NELL1: variants seen among roughly 807,000 people sequenced by gnomAD.
The protein encoded by NELL1 is neural EGFL like 1.
NELL1 carries 76 observed loss-of-function variants against 107.4 expected under a neutral mutation model. The observed-to-expected ratio is 0.71, with a 90% confidence interval of 0.59 to 0.86. The LOEUF (loss-of-function observed/expected upper bound fraction) is 0.86. Ranked by LOEUF, NELL1 falls within the 40% of genes least tolerant of loss-of-function variation. NELL1 has a pLI of 0.00. For synonymous variants in NELL1, 353 were observed against 341.2 expected (o/e 1.03, Z -0.38); for missense variants, 1,024 against 1,005.5 (o/e 1.02, Z -0.25).
At chr11:20,847,465 G>A in intron 3 of NELL1, 118 bp from the exon 4 acceptor site, 1 of 1,050,000 alleles carries the variant, frequency 9.5e-7, no homozygotes, top group Non-Finnish European at 1.4e-6. Context: ...TTGGCTCTTT[G>A]TGCCATGTTT....
chr11:21,288,735 A>C (rs962246401), intron 14 of NELL1, among the ~76,000 whole-genome samples: 10 of 152,186 alleles, frequency 6.6e-5, no homozygotes, highest in African/African-American at 2.4e-4. Context: ...AGTTCGAATG[A>C]CCAGCAATTA....
At chr11:21,291,135 G>C (rs889647053) in intron 14 of NELL1, among the ~76,000 whole-genome samples, 28 of 152,304 alleles carry the variant, frequency 1.8e-4, no homozygotes, top group African/African-American at 6.7e-4. Flanking sequence ...AACCAGTTCA[G>C]AGAAGAACAT....
At chr11:21,497,260 A>G (rs1161066751) in intron 15 of NELL1, among the ~76,000 whole-genome samples, 1 of 152,114 alleles carries the variant, frequency 6.6e-6, no homozygotes, top group African/African-American at 2.4e-5. Context: ...TACATATGTA[A>G]CAAACCTGCA....
chr11:21,103,556 C>T (rs971932180), intron 12 of NELL1, among the ~76,000 whole-genome samples: 2 of 152,124 alleles, frequency 1.3e-5, no homozygotes, highest in African/African-American at 4.8e-5. Flanking sequence ...ATGCAAAATG[C>T]TTAAAACTAT....
At chr11:21,390,268 T>C (rs1166310040) in intron 15 of NELL1, among the ~76,000 whole-genome samples, 1 of 151,488 alleles carries the variant, frequency 6.6e-6, no homozygotes. Flanking sequence ...AAGCACAAAG[T>C]TTTAAAAAGT....
At chr11:21,500,682 G>A (rs915397738) in intron 15 of NELL1, among the ~76,000 whole-genome samples, 4 of 152,074 alleles carry the variant, frequency 2.6e-5, no homozygotes, top group African/African-American at 9.7e-5. Flanking sequence ...TATTAGCAGT[G>A]ACATAATACT....
chr11:20,863,405 G>A (rs1340270223), intron 4 of NELL1, among the ~76,000 whole-genome samples: 7 of 79,426 alleles, frequency 8.8e-5, no homozygotes, highest in East Asian at 3.8e-4. Context: ...GCTGCCAGGC[G>A]GAGACGCTCC....
intron 14 of NELL1, among the ~76,000 whole-genome samples, chr11:21,320,520 A>G (rs1476065870): frequency 1.3e-5 from 2 of 152,158 alleles, no homozygotes; most frequent in African/African-American, 4.8e-5. Context: ...ACTTTCTTAT[A>G]TGTTATCTTG....
At chr11:21,009,885 T>A (rs1259535443) in intron 12 of NELL1, among the ~76,000 whole-genome samples, 1 of 151,904 alleles carries the variant, frequency 6.6e-6, no homozygotes, top group African/African-American at 2.4e-5. Flanking sequence ...CACAACAACA[T>A]GCAAACAGAG....
chr11:21,440,328 G>A (rs1945413), intron 15 of NELL1, among the ~76,000 whole-genome samples: 143,660 of 152,032 alleles, frequency 0.94, 67,889 homozygotes, highest in East Asian at 1. Context: ...ATGACTTAGG[G>A]TCAGAGCAAA....
At chr11:20,941,992 A>T (rs1850864802) in intron 10 of NELL1, among the ~76,000 whole-genome samples, 1 of 152,228 alleles carries the variant, frequency 6.6e-6, no homozygotes, top group South Asian at 2.1e-4. Flanking sequence ...ACTGTGTCTC[A>T]GAAAAGACCA....
chr11:21,065,021 C>T (rs1437350269), intron 12 of NELL1, among the ~76,000 whole-genome samples: 3 of 151,970 alleles, frequency 2.0e-5, no homozygotes, highest in African/African-American at 7.2e-5. Context: ...TACAGTGGTA[C>T]ATTGTGTAGA....
At chr11:21,466,674 T>A (rs1046912222) in intron 15 of NELL1, among the ~76,000 whole-genome samples, 39 of 152,116 alleles carry the variant, frequency 2.6e-4, no homozygotes, top group African/African-American at 9.4e-4. Context: ...CTTGTTGAAT[T>A]TGAGTATAGA....
In NELL1 at chr11:21,165,952, A is replaced by T. The variant is rs551800082; in HGVS notation, c.1426+52238A>T. ...GTAATTTTAGTAGAGACGGGGTTTC[A>T]CCATATTGGTCAGGCTAGTGTTGAA... is the stretch of plus-strand genomic sequence containing the variant. On this transcript the variant is annotated intron_variant, in intron 13 of 19. Coordinates refer to ENST00000357134, the MANE Select transcript of NELL1 (RefSeq NM_006157.5). 6.6e-5 allele frequency among the ~76,000 whole-genome samples: 10 copies of T among 151,428 alleles called. 1 individual carries two copies. Among genetic ancestry groups the T allele is most frequent in the African/African-American group, 2.4e-4 (10 of 40,932 alleles).
Position 21,359,636 on chromosome 11 carries a change from T to C in NELL1, c.1550-11217T>C, listed in dbSNP as rs375974788. ...TGTGAATCCATCTGGTCCTGGACTT[T>C]TTTTGTTGGCAATTTTAAAATTACT... is the stretch of plus-strand genomic sequence containing the variant. On this transcript the variant is annotated intron_variant, in intron 14 of 19. Coordinates refer to ENST00000357134, the MANE Select transcript of NELL1 (RefSeq NM_006157.5). 1.7e-3 allele frequency among the ~76,000 whole-genome samples: 258 copies of C among 152,280 alleles called. 7 individuals are homozygous for C. In the South Asian group the frequency reaches 0.052, roughly 31 times the overall value.
intron 15 of NELL1, among the ~76,000 whole-genome samples, chr11:21,529,818 AG>A (rs1430878082): frequency 5.9e-5 from 9 of 152,012 alleles, no homozygotes; most frequent in African/African-American, 2.2e-4. Context: ...ACTGTGCTTA[AG>A]AGTCTTTTTT....
intron 14 of NELL1, among the ~76,000 whole-genome samples, chr11:21,316,983 G>A (rs563347756): frequency 6.6e-6 from 1 of 152,172 alleles, no homozygotes; most frequent in South Asian, 2.1e-4. Flanking sequence ...TGATCATAAT[G>A]TAATTATCAT....
intron 3 of NELL1, among the ~76,000 whole-genome samples, chr11:20,807,531 A>G (rs1857410434): frequency 6.6e-6 from 1 of 152,320 alleles, no homozygotes; most frequent in South Asian, 2.1e-4. Flanking sequence ...CCCAAGGCCT[A>G]CTATAACCGC....
At chr11:20,684,227 T>A (rs1854253961) in intron 2 of NELL1, among the ~76,000 whole-genome samples, 1 of 151,824 alleles carries the variant, frequency 6.6e-6, no homozygotes, top group Non-Finnish European at 1.5e-5. Context: ...GGCAACATAG[T>A]GAGACCCTCA....
Sources: gnomAD v4.1 joint callset for allele counts (sites outside exome capture counted in the v4.1 genomes callset) on GRCh38, gnomAD v4.1.1 for gene constraint, MANE v1.5 for transcripts, NCBI Gene and HGNC (gene_info 2026-07-23, HGNC 2026-07-21) for gene names.